Variants in GNA14 observed in about 807,000 individuals in gnomAD.
The protein encoded by GNA14 is guanine nucleotide-binding protein subunit alpha-14.
A neutral mutation model predicts 42.0 loss-of-function variants in GNA14; 50 were observed. The ratio of observed to expected loss-of-function variants is 1.19; its 90% CI spans 0.95 to 1.51. GNA14 has a LOEUF of 1.51. GNA14 is among the 40% of genes most tolerant of loss of function. GNA14 has a pLI of 0.00. For missense variants in GNA14, 473 were observed against 446.2 expected, an observed-to-expected ratio of 1.06 and a Z score of -0.54; for synonymous variants, 173 against 163.1, an observed-to-expected ratio of 1.06 and a Z score of -0.46.
intron 2 of GNA14, among the ~76,000 whole-genome samples, chr9:77,477,728 G>A (rs1040223602): frequency 2.6e-5 from 4 of 152,102 alleles, no homozygotes; most frequent in Non-Finnish European, 5.9e-5. Flanking sequence ...GTAGAAAACA[G>A]AAGAAGAATG....
At chr9:77,528,926 T>G in intron 2 of GNA14, 143 bp downstream of exon 2, 2 of 698,648 alleles carry the variant, frequency 2.9e-6, no homozygotes, top group Non-Finnish European at 5.0e-6. Flanking sequence ...CTAAATTCCT[T>G]AAACTCCTCT....
rs145026990 is a variant in GNA14, at chr9:77,477,290, T to C, written c.310-42768A>G. Among the ~76,000 whole-genome samples the C allele has an allele frequency of 6.5e-3, 989 of 152,168 alleles. 9 individuals are homozygous for C. Among genetic ancestry groups the C allele is most frequent in the Middle Eastern group, 0.034 (10 of 294 alleles). ...TGAGCCCAGAAGGCAGAGGTTGCAG[T>C]GAACTGAGATCCTGCAACTGCATTC... On this transcript the variant is annotated intron_variant, in intron 2 of 6. Transcript: ENST00000341700.
rs1835412250 is a variant in GNA14, at chr9:77,423,899, G to A, written c.*80C>T. ...TTCCTGGCATGGGGCTGGCTCTGGT[G>A]ATGTCAGAAGCACTTGCAAATAAAA... On this transcript the variant is annotated 3_prime_UTR_variant, in exon 7 of 7. Transcript: ENST00000341700. The A allele has an allele frequency of 1.0e-6, 1 of 982,900 alleles. No individual in the cohort carries two copies. The highest frequency in any genetic ancestry group is 2.6e-5 in the East Asian group (1 of 38,946). The allele number at this position is 982,900 out of a possible 1,614,324, so 60.9% of individuals were successfully genotyped here.
At chr9:77,644,603 A>C (rs1824326351) in intron 1 of GNA14, among the ~76,000 whole-genome samples, 1 of 152,208 alleles carries the variant, frequency 6.6e-6, no homozygotes, top group African/African-American at 2.4e-5. Context: ...TTCCAGCTCC[A>C]TAACTGTGAG....
intron 2 of GNA14, among the ~76,000 whole-genome samples, chr9:77,481,031 T>C (rs1836544808): frequency 6.6e-6 from 1 of 152,070 alleles, no homozygotes; most frequent in Non-Finnish European, 1.5e-5. Context: ...TGAAGGGTTT[T>C]TTGTGTCTCT....
chr9:77,634,809 A>G (rs1045961530), intron 1 of GNA14, among the ~76,000 whole-genome samples: 7 of 152,210 alleles, frequency 4.6e-5, no homozygotes, highest in Non-Finnish European at 7.3e-5. Flanking sequence ...AGAGAGAGAC[A>G]TATCTTCATT....
At chr9:77,465,821 G>T (rs1836212946) in intron 2 of GNA14, among the ~76,000 whole-genome samples, 1 of 152,132 alleles carries the variant, frequency 6.6e-6, no homozygotes, top group Admixed American at 6.5e-5. Flanking sequence ...TGCCCAGGCT[G>T]GTCTTGACCT....
intron 1 of GNA14, among the ~76,000 whole-genome samples, chr9:77,550,222 A>G (rs1293021048): frequency 6.6e-6 from 1 of 152,116 alleles, no homozygotes; most frequent in African/African-American, 2.4e-5. Context: ...ATCAATGGCA[A>G]TATTTTCTCA....
At chr9:77,456,718 C>T (rs1027629872) in intron 2 of GNA14, among the ~76,000 whole-genome samples, 12 of 152,094 alleles carry the variant, frequency 7.9e-5, no homozygotes, top group East Asian at 3.8e-4. Flanking sequence ...GAAGGTACAT[C>T]GCTGATGCCA....
chr9:77,534,280 C>G (rs1837567234), intron 1 of GNA14, among the ~76,000 whole-genome samples: 1 of 152,216 alleles, frequency 6.6e-6, no homozygotes, highest in Non-Finnish European at 1.5e-5. Context: ...CTCCACTCTT[C>G]TCTCTCGAGT....
intron 2 of GNA14, among the ~76,000 whole-genome samples, chr9:77,478,120 G>A (rs1836466479): frequency 6.6e-6 from 1 of 151,388 alleles, no homozygotes; most frequent in Non-Finnish European, 1.5e-5. Flanking sequence ...TTGGTGTGCT[G>A]CACCCATTAA....
At chr9:77,636,229 T>C (rs754599377) in intron 1 of GNA14, among the ~76,000 whole-genome samples, 18 of 152,204 alleles carry the variant, frequency 1.2e-4, no homozygotes, top group Non-Finnish European at 2.5e-4. Flanking sequence ...GTCTTATTTA[T>C]GGCAGATTCA....
chr9:77,432,935 C>G (rs946034440), intron 3 of GNA14, among the ~76,000 whole-genome samples: 1 of 152,242 alleles, frequency 6.6e-6, no homozygotes, highest in African/African-American at 2.4e-5. Context: ...GGCACTCTTT[C>G]TTTCTTCCAC....
At chr9:77,429,184 G>A (rs1171104278) in intron 4 of GNA14, 148 bp from the exon 5 acceptor site, 1 of 719,338 alleles carries the variant, frequency 1.4e-6, no homozygotes, top group East Asian at 2.6e-5. Context: ...TAAAATGTTT[G>A]ATGCTGCTGC....
intron 1 of GNA14, chr9:77,580,333 G>A: frequency 2.9e-6 from 1 of 344,276 alleles, no homozygotes; most frequent in South Asian, 2.8e-5. Flanking sequence ...ACCCGAATAG[G>A]TACAATTTAC....
intron 1 of GNA14, among the ~76,000 whole-genome samples, chr9:77,615,877 TG>T (rs1823806179): frequency 6.7e-6 from 1 of 149,970 alleles, no homozygotes; most frequent in African/African-American, 2.5e-5. Context: ...GTTTTTTTTT[TG>T]GAGAAATCCC....
In GNA14 at chr9:77,483,724, C is replaced by A. The variant is rs549813702; in HGVS notation, c.309+45345G>T. Among the ~76,000 whole-genome samples, 23 of 152,256 alleles carry A rather than the reference C, an allele frequency of 1.5e-4. No homozygotes were observed. In the South Asian group the frequency reaches 4.8e-3, roughly 32 times the overall value. ...TTTAAAGGAGTCTTATATGAAAATT[C>A]CCAGAACTAAAGCACATAAATCTTT... On this transcript the variant is annotated intron_variant, in intron 2 of 6. Transcript: ENST00000341700.
intron 1 of GNA14, among the ~76,000 whole-genome samples, chr9:77,537,651 C>A (rs1283752204): frequency 2.0e-5 from 3 of 152,162 alleles, no homozygotes; most frequent in Non-Finnish European, 2.9e-5. Flanking sequence ...TTGGAGAATT[C>A]TCCATACTGT....
chr9:77,518,289 C>T (rs1003042917), intron 2 of GNA14, among the ~76,000 whole-genome samples: 1 of 152,110 alleles, frequency 6.6e-6, no homozygotes, highest in African/African-American at 2.4e-5. Context: ...GCTAACTTGA[C>T]CTTTGGAAGA....
Sources: gnomAD v4.1 joint callset for allele counts (sites outside exome capture counted in the v4.1 genomes callset) on GRCh38, gnomAD v4.1.1 for gene constraint, MANE v1.5 for transcripts, NCBI Gene and HGNC (gene_info 2026-07-23, HGNC 2026-07-21) for gene names.